The following CYP2U1 variants were observed in gnomAD, a reference collection of about 807,000 sequenced individuals.
CYP2U1 encodes cytochrome P450 2U1.
A neutral mutation model predicts 42.8 loss-of-function variants in CYP2U1; 28 were observed. That is an observed-to-expected ratio of 0.65 (90% CI 0.48 to 0.90). The LOEUF (loss-of-function observed/expected upper bound fraction) is 0.90. Ranked by LOEUF, CYP2U1 falls within the 40% of genes least tolerant of loss-of-function variation. The pLI is 0.00. For synonymous variants in CYP2U1, 296 were observed against 278.9 expected, an observed-to-expected ratio of 1.06 and a Z score of -0.61; for missense variants, 642 against 693.8, an observed-to-expected ratio of 0.93 and a Z score of 0.84.
chr4:107,943,209 C>G (rs1283049646), intron 1 of CYP2U1, among the ~76,000 whole-genome samples: 1 of 152,232 alleles, frequency 6.6e-6, no homozygotes, highest in Non-Finnish European at 1.5e-5. Context: ...GTGATGGCAA[C>G]TATTCTGAAC....
chr4:107,931,658 G>A lies in CYP2U1; in HGVS notation c.15G>A (p.Gly5=). Residue 5 remains glycine (G), a synonymous_variant, in exon 1 of 5, where the codon GGG becomes GGA. Coordinates refer to ENST00000332884, the MANE Select transcript of CYP2U1 (RefSeq NM_183075.3). MSSP[G]PSQPPAEDPP... The stretch of plus-strand genomic sequence containing the variant: ...GCGCCCGGACCATGTCGTCTCCGGG[G>A]CCGTCGCAGCCGCCGGCCGAGGACC... 1 of 1,258,644 alleles carries A rather than the reference G, an allele frequency of 7.9e-7. No individual in the cohort carries two copies. Among genetic ancestry groups the A allele is most frequent in the Non-Finnish European group, 9.9e-7 (1 of 1,005,956 alleles). 78.0% of individuals were successfully genotyped at this position (1,258,644 alleles called of 1,614,324 possible). A position where few individuals can be genotyped will look rare whatever the true frequency, so the allele number is the denominator to read the frequency against.
rs1484717580 is a variant in CYP2U1, at chr4:107,950,409, A to G, written c.1621A>G (p.Ile541Val). The change falls in exon 5 of 5, where the codon ATT becomes GTT. Residue 541 changes from isoleucine to valine, a missense_variant. Ile to Val is a conservative substitution (Grantham distance 29). Coordinates refer to ENST00000332884, the MANE Select transcript of CYP2U1 (RefSeq NM_183075.3). The part of the protein sequence containing the change: ...TLAPHPFNIT[I>V]SRR ...AGCCCCACATCCATTTAATATAACT[A>G]TTTCAAGGAGATGAAGAGCATCTCC... 1.9e-6 allele frequency: 3 copies of G among 1,607,228 alleles called. No individual in the cohort carries two copies. The highest frequency in any genetic ancestry group is 2.2e-5 in the East Asian group (1 of 44,846).
intron 1 of CYP2U1, among the ~76,000 whole-genome samples, chr4:107,932,534 T>C (rs1733056028): frequency 6.6e-6 from 1 of 152,158 alleles, no homozygotes; most frequent in South Asian, 2.1e-4. Flanking sequence ...TTTTACCTTG[T>C]GGGTTTCGAA....
chr4:107,932,218 T>A, intron 1 of CYP2U1, 85 bp downstream of exon 1: 1 of 1,475,060 alleles, frequency 6.8e-7, no homozygotes, highest in Non-Finnish European at 9.0e-7. Flanking sequence ...CTGTGCCCCT[T>A]CCGGCCGCCC....
chr4:107,941,449 G>A (rs1733492382), intron 1 of CYP2U1, among the ~76,000 whole-genome samples: 1 of 152,030 alleles, frequency 6.6e-6, no homozygotes, highest in Admixed American at 6.6e-5. Context: ...TGGACATATA[G>A]AGAGGACATA....
At chr4:107,949,303 T>C (rs761638091) in intron 3 of CYP2U1, 47 bp from the exon 4 acceptor site, 1 of 1,393,014 alleles carries the variant, frequency 7.2e-7, no homozygotes, top group South Asian at 1.9e-5. Flanking sequence ...GGAGAACTAC[T>C]AGTAAAAGCA....
At chr4:107,933,908 C>T (rs138942812) in intron 1 of CYP2U1, among the ~76,000 whole-genome samples, 5 of 152,196 alleles carry the variant, frequency 3.3e-5, no homozygotes, top group African/African-American at 9.6e-5. Context: ...GATGTGGAAC[C>T]CATAAATGTG....
chr4:107,949,926 A>G (rs1014934978), intron 4 of CYP2U1, among the ~76,000 whole-genome samples: 4 of 152,162 alleles, frequency 2.6e-5, no homozygotes, highest in African/African-American at 9.7e-5. Flanking sequence ...TTTTTGCCTT[A>G]ATCTTCCAGG....
chr4:107,936,313 C>G (rs1246536949), intron 1 of CYP2U1: 1 of 152,220 alleles, frequency 6.6e-6, no homozygotes, highest in Non-Finnish European at 1.5e-5. Flanking sequence ...ATCCCTAATG[C>G]AACAGTGTCA....
chr4:107,942,331 TC>T (rs2126197086), intron 1 of CYP2U1, among the ~76,000 whole-genome samples: 1 of 151,814 alleles, frequency 6.6e-6, no homozygotes, highest in South Asian at 2.1e-4. Context: ...GCTCTGTGGA[TC>T]CCCCAGACCT....
chr4:107,948,888 A>G (rs1733810001), intron 3 of CYP2U1, among the ~76,000 whole-genome samples: 1 of 152,136 alleles, frequency 6.6e-6, no homozygotes, highest in Non-Finnish European at 1.5e-5. Context: ...TTTAAAGCGC[A>G]TATTGACTTG....
At position 107,931,595 on chromosome 4, in the gene CYP2U1, C is replaced by A; in HGVS notation, c.-49C>A. 1 of 1,236,310 alleles carries A rather than the reference C, an allele frequency of 8.1e-7. No individual in the cohort carries two copies. Among genetic ancestry groups the A allele is most frequent in the Non-Finnish European group, 1.0e-6 (1 of 991,266 alleles). The allele number at this position is 1,236,310 out of a possible 1,614,324, so 76.6% of individuals were successfully genotyped here. ...GCCGCGGGTCAGGCAGCTGCGTGCG[C>A]GTCTCCTCCAGGCAGCAAGGGGAAC... is the stretch of plus-strand genomic sequence containing the variant. On this transcript the variant is annotated 5_prime_UTR_variant, in exon 1 of 5. Transcript: ENST00000332884.
intron 1 of CYP2U1, among the ~76,000 whole-genome samples, chr4:107,933,851 A>G (rs28477613): frequency 0.17 from 26,183 of 152,186 alleles, 2,480 homozygotes; most frequent in Non-Finnish European, 0.21. Flanking sequence ...AAGTCTACAC[A>G]TTCAGTACAG....
At position 107,953,277 on chromosome 4, in the gene CYP2U1, A is replaced by G. The variant is rs565941816; in HGVS notation, c.*2854A>G. ...GCTGTGGCACTTTAAAAACATCTTT[A>G]TATATAAATTGCTAAAAGGACTGTT... On this transcript the variant is annotated 3_prime_UTR_variant, in exon 5 of 5. Coordinates refer to ENST00000332884, the MANE Select transcript of CYP2U1 (RefSeq NM_183075.3). 9 of 152,224 alleles carry G rather than the reference A, an allele frequency of 5.9e-5. No homozygotes were observed. Among genetic ancestry groups the G allele is most frequent in the Non-Finnish European group, 1.3e-4 (9 of 68,042 alleles). 9.4% of individuals were successfully genotyped at this position (152,224 alleles called of 1,614,324 possible).
intron 1 of CYP2U1, among the ~76,000 whole-genome samples, chr4:107,943,483 AAG>A (rs1733570128): frequency 6.6e-6 from 1 of 152,226 alleles, no homozygotes; most frequent in East Asian, 1.9e-4. Flanking sequence ...GAGTAAAACA[AAG>A]AGGAAGAAAT....
Position 107,945,300 on chromosome 4 carries a change from C to G in CYP2U1, c.821C>G (p.Pro274Arg). 6.2e-7 allele frequency: 1 copy of G among 1,614,018 alleles called. No homozygotes were observed. Among genetic ancestry groups the G allele is most frequent in the Non-Finnish European group, 8.5e-7 (1 of 1,180,004 alleles). Reference sequence around the variant, plus strand: ...CAAGTCCTCCTGGTCAACATATGCCCTTGGCTTTATTACCTTCCCTTTGGA... The same window carrying G: ...CAAGTCCTCCTGGTCAACATATGCCGTTGGCTTTATTACCTTCCCTTTGGA... ...NSQVLLVNICPWLYYLPFGPF... is the reference protein window; with the variant it reads ...NSQVLLVNICRWLYYLPFGPF... Residue 274 changes from proline (P) to arginine (R), a missense_variant, in exon 2 of 5, where the codon CCT (proline) becomes CGT (arginine). By Grantham distance (103) the Pro-to-Arg change is moderately radical. Coordinates refer to ENST00000332884, the MANE Select transcript of CYP2U1 (RefSeq NM_183075.3).
chr4:107,949,754 TG>T (rs895573307), intron 4 of CYP2U1, among the ~76,000 whole-genome samples: 1 of 152,162 alleles, frequency 6.6e-6, no homozygotes, highest in Non-Finnish European at 1.5e-5. Context: ...CAGGTAATTT[TG>T]GGGGGTCCCA....
rs1733967828 is a variant in CYP2U1, at chr4:107,953,187, G to A, written c.*2764G>A. ...CAAATAGTTTATAGCTTATTGAGAA[G>A]AAGTCTGTTCTTGGAGAGATGTTGA... On this transcript the variant is annotated 3_prime_UTR_variant, in exon 5 of 5. Transcript: ENST00000332884. 6.6e-6 allele frequency: 1 copy of A among 152,176 alleles called. No individual in the cohort carries two copies. Among genetic ancestry groups the A allele is most frequent in the African/African-American group, 2.4e-5 (1 of 41,442 alleles). 9.4% of individuals were successfully genotyped at this position (152,176 alleles called of 1,614,324 possible).
intron 1 of CYP2U1, 126 bp from the exon 2 acceptor site, chr4:107,944,844 A>ATATATATATATATATATG: frequency 6.3e-6 from 1 of 157,878 alleles, no homozygotes; most frequent in Admixed American, 8.2e-5. Flanking sequence ...ATATACATAT[A>ATATATATATATATATATG]TATATATTTA....
Sources: allele counts gnomAD v4.1 joint callset (sites outside exome capture counted in the v4.1 genomes callset), GRCh38; gene constraint gnomAD v4.1.1; transcripts MANE v1.5; gene names NCBI Gene and HGNC (gene_info 2026-07-23, HGNC 2026-07-21).